The following FBN2 variants were observed in gnomAD, a reference collection of about 807,000 sequenced individuals.
FBN2 encodes fibrillin-2.
Under a neutral mutation model 355.6 loss-of-function variants are expected in FBN2, and 105 were observed. That is an observed-to-expected ratio of 0.30 (90% CI 0.25 to 0.35). FBN2 has a LOEUF of 0.35. FBN2 is among the 10% of genes least tolerant of loss of function. The pLI is 1.00. For missense variants in FBN2, 3,280 were observed against 3,758.7 expected (o/e 0.87, Z 3.33); for synonymous variants, 1,350 against 1,301.2 (o/e 1.04, Z -0.81).
At chr5:128,430,955 T>A (rs1753606061) in intron 7 of FBN2, among the ~76,000 whole-genome samples, 1 of 152,218 alleles carries the variant, frequency 6.6e-6, no homozygotes. Context: ...CTGACTCATA[T>A]CCCATGTAGT....
intron 5 of FBN2, among the ~76,000 whole-genome samples, chr5:128,504,927 C>T (rs1485091663): frequency 6.6e-6 from 1 of 152,200 alleles, no homozygotes; most frequent in Non-Finnish European, 1.5e-5. Context: ...CATGAGTCAA[C>T]AGCAGGGCTA....
chr5:128,371,694 C>T (rs1051017597), intron 15 of FBN2, among the ~76,000 whole-genome samples: 18 of 151,976 alleles, frequency 1.2e-4, no homozygotes, highest in Admixed American at 2.0e-4. Flanking sequence ...CCACTACAAC[C>T]GGCTAATTTT....
At chr5:128,462,053 T>C (rs1159011352) in intron 6 of FBN2, among the ~76,000 whole-genome samples, 2 of 152,206 alleles carry the variant, frequency 1.3e-5, no homozygotes, top group African/African-American at 4.8e-5. Context: ...TTTCCTGTTG[T>C]CCCTCATTTT....
chr5:128,502,781 T>G (rs1041194838), intron 5 of FBN2, among the ~76,000 whole-genome samples: 1 of 152,174 alleles, frequency 6.6e-6, no homozygotes, highest in Non-Finnish European at 1.5e-5. Flanking sequence ...TAATAATTTT[T>G]AAAAAATTTT....
At chr5:128,336,816 C>G (rs1217207326) in intron 27 of FBN2, among the ~76,000 whole-genome samples, 1 of 152,188 alleles carries the variant, frequency 6.6e-6, no homozygotes, top group East Asian at 1.9e-4. Context: ...CAGGGTGATA[C>G]ACTTCCTTAT....
At chr5:128,480,798 T>C (rs1318831456) in intron 5 of FBN2, among the ~76,000 whole-genome samples, 1 of 152,174 alleles carries the variant, frequency 6.6e-6, no homozygotes, top group Admixed American at 6.5e-5. Context: ...AAACTAACAT[T>C]TTGAAGAACT....
At chr5:128,465,630 A>G (rs17677244) in intron 5 of FBN2, among the ~76,000 whole-genome samples, 13,018 of 152,228 alleles carry the variant, frequency 0.086, 597 homozygotes, top group Non-Finnish European at 0.11. Flanking sequence ...GATCTCATTA[A>G]TAAGGCACAT....
In FBN2 at chr5:128,426,796, C is replaced by T. The variant is rs80129275; in HGVS notation, c.953-17997G>A. The stretch of plus-strand genomic sequence containing the variant: ...AGCACTTTCAAGGTTGCAGTAAGGA[C>T]GTGAGAGGACAGGTACTAGGAACGA... On this transcript the variant is annotated intron_variant, in intron 7 of 64. Coordinates refer to ENST00000262464, the MANE Select transcript of FBN2 (RefSeq NM_001999.4). Among the ~76,000 whole-genome samples the T allele has an allele frequency of 5.1e-3, 782 of 152,202 alleles. 10 individuals carry two copies. Among genetic ancestry groups the T allele is most frequent in the African/African-American group, 0.018 (739 of 41,538 alleles).
chr5:128,428,143 C>G (rs2127026221), intron 7 of FBN2, among the ~76,000 whole-genome samples: 1 of 152,294 alleles, frequency 6.6e-6, no homozygotes, highest in Non-Finnish European at 1.5e-5. Flanking sequence ...CTGGTCCAAG[C>G]TACCATCAAG....
chr5:128,434,242 G>A (rs1024183861), intron 7 of FBN2, among the ~76,000 whole-genome samples: 5 of 151,202 alleles, frequency 3.3e-5, no homozygotes, highest in African/African-American at 9.7e-5. Flanking sequence ...CTGGGATTAA[G>A]AAAGAAAGAC....
At chr5:128,303,696 G>C (rs1036361474) in intron 45 of FBN2, among the ~76,000 whole-genome samples, 6 of 152,148 alleles carry the variant, frequency 3.9e-5, no homozygotes, top group African/African-American at 1.4e-4. Context: ...AAAAGGGTGG[G>C]GGCTGGTATT....
intron 62 of FBN2, among the ~76,000 whole-genome samples, chr5:128,269,342 C>G (rs2126801208): frequency 6.7e-6 from 1 of 150,146 alleles, no homozygotes; most frequent in East Asian, 1.9e-4. Flanking sequence ...GTGGCAGGCG[C>G]CTGTAATCCT....
chr5:128,398,545 T>C (rs1344652055), intron 8 of FBN2, among the ~76,000 whole-genome samples: 1 of 152,096 alleles, frequency 6.6e-6, no homozygotes, highest in African/African-American at 2.4e-5. Flanking sequence ...TACACAAGTG[T>C]ATTGCACATG....
chr5:128,367,595 T>C (rs1751806763), intron 16 of FBN2, among the ~76,000 whole-genome samples: 1 of 152,142 alleles, frequency 6.6e-6, no homozygotes, highest in South Asian at 2.1e-4. Context: ...AGAATTTATA[T>C]TCTATATGAA....
At chr5:128,392,944 A>G (rs1454212147) in intron 10 of FBN2, among the ~76,000 whole-genome samples, 191 bp downstream of exon 10, 2 of 152,148 alleles carry the variant, frequency 1.3e-5, no homozygotes, top group Non-Finnish European at 2.9e-5. Flanking sequence ...ATTTTCCCAA[A>G]TTTAGTATTA....
chr5:128,358,924 A>T (rs1378748084), intron 19 of FBN2, among the ~76,000 whole-genome samples: 1 of 152,078 alleles, frequency 6.6e-6, no homozygotes, highest in Non-Finnish European at 1.5e-5. Flanking sequence ...TCAACTATTT[A>T]GTTTTCCTTT....
At chr5:128,298,609 T>G (rs1249536347) in intron 48 of FBN2, among the ~76,000 whole-genome samples, 1 of 152,234 alleles carries the variant, frequency 6.6e-6, no homozygotes, top group Non-Finnish European at 1.5e-5. Flanking sequence ...GCTGATACCC[T>G]TTCTTCCAGT....
At position 128,419,227 on chromosome 5, in the gene FBN2, C is replaced by T. The variant is rs1184190825; in HGVS notation, c.953-10428G>A. On this transcript the variant is annotated intron_variant, in intron 7 of 64. Transcript: ENST00000262464. ...TATTCCTTATTCACTTCAGTTGTTA[C>T]CTTGTCCACTAAACACGTGTCATCT... Among the ~76,000 whole-genome samples, 8 of 152,178 alleles carry T rather than the reference C, an allele frequency of 5.3e-5. No homozygotes were observed. The East Asian group carries it at 9.6e-4, about 18-fold the overall frequency.
At chr5:128,311,788 C>G in intron 38 of FBN2, 97 bp downstream of exon 38, 1 of 844,760 alleles carries the variant, frequency 1.2e-6, no homozygotes, top group Non-Finnish European at 2.0e-6. Context: ...ACTAAATTAT[C>G]TTGTCGGGGC....
Sources: gnomAD v4.1 joint callset for allele counts (sites outside exome capture counted in the v4.1 genomes callset) on GRCh38, gnomAD v4.1.1 for gene constraint, MANE v1.5 for transcripts, NCBI Gene and HGNC (gene_info 2026-07-23, HGNC 2026-07-21) for gene names.